The following TOX variants were observed in gnomAD, a reference collection of about 807,000 sequenced individuals.
TOX encodes thymocyte selection associated high mobility group box, also known as thymocyte selection-associated high mobility group box protein TOX.
TOX carries 11 observed loss-of-function variants against 53.7 expected under a neutral mutation model. That is an observed-to-expected ratio of 0.20 (90% CI 0.13 to 0.34). The LOEUF is 0.34. Ranked by LOEUF, TOX falls within the 10% of genes least tolerant of loss-of-function variation. The pLI is 1.00. For synonymous variants in TOX, 225 were observed against 245.3 expected, an observed-to-expected ratio of 0.92 and a Z score of 0.77; for missense variants, 570 against 664.6, an observed-to-expected ratio of 0.86 and a Z score of 1.56.
intron 7 of TOX, among the ~76,000 whole-genome samples, chr8:58,808,982 T>A (rs1174113967): frequency 6.6e-6 from 1 of 152,240 alleles, no homozygotes; most frequent in East Asian, 1.9e-4. Context: ...AAGATTCTTC[T>A]AATACACTGG....
At chr8:58,861,362 T>A (rs1811007005) in intron 3 of TOX, among the ~76,000 whole-genome samples, 1 of 152,216 alleles carries the variant, frequency 6.6e-6, no homozygotes, top group Non-Finnish European at 1.5e-5. Flanking sequence ...TTTATGAATG[T>A]GCTCTGGGTC....
intron 3 of TOX, among the ~76,000 whole-genome samples, chr8:58,923,846 G>A (rs753568555): frequency 6.6e-6 from 1 of 152,158 alleles, no homozygotes; most frequent in African/African-American, 2.4e-5. Context: ...TTACCTGCTT[G>A]ACTCTCACAG....
At chr8:59,049,048 A>G (rs1443787180) in intron 1 of TOX, among the ~76,000 whole-genome samples, 2 of 151,814 alleles carry the variant, frequency 1.3e-5, no homozygotes, top group Non-Finnish European at 2.9e-5. Context: ...ACTCATTTTC[A>G]ATGACAGTAT....
At chr8:58,888,242 T>C (rs1811504627) in intron 3 of TOX, among the ~76,000 whole-genome samples, 1 of 152,120 alleles carries the variant, frequency 6.6e-6, no homozygotes, top group African/African-American at 2.4e-5. Context: ...TTCATTTTCC[T>C]ATTTTTTTAA....
intron 3 of TOX, among the ~76,000 whole-genome samples, chr8:58,927,518 G>A (rs902947610): frequency 3.3e-5 from 5 of 152,172 alleles, no homozygotes; most frequent in African/African-American, 7.2e-5. Context: ...TGCGTAAGAT[G>A]AGAATCGCAC....
rs56215946 is a variant in TOX at position 58,826,879 on chromosome 8, A to C, written c.948T>G (p.Ala316=). ...GTTGCTTCAGGTACTCCTTCTTCGC[A>C]GCCTCGGTTTTCTTTTTATAGACCT... ...QKQVYKKKTE[A]AKKEYLKQLA... is the part of the protein sequence containing the mutation. The change falls in exon 6 of 9, where the codon GCT becomes GCG. Residue 316 remains alanine, a synonymous_variant. Coordinates refer to ENST00000361421, the MANE Select transcript of TOX (RefSeq NM_014729.3). 108,649 of 1,611,686 alleles carry C rather than the reference A, an allele frequency of 0.067. 4,258 individuals are homozygous for C. Among genetic ancestry groups the C allele is most frequent in the Middle Eastern group, 0.085 (513 of 6,036 alleles).
chr8:58,906,651 T>C (rs1038916864), intron 3 of TOX, among the ~76,000 whole-genome samples: 3 of 152,246 alleles, frequency 2.0e-5, no homozygotes, highest in Non-Finnish European at 4.4e-5. Flanking sequence ...AGTTTCTGCA[T>C]AAAACTTTTG....
chr8:59,013,193 A>T (rs1813942568), intron 1 of TOX, among the ~76,000 whole-genome samples: 1 of 152,168 alleles, frequency 6.6e-6, no homozygotes, highest in African/African-American at 2.4e-5. Context: ...TCTGCATATT[A>T]CATCCCCGGT....
intron 7 of TOX, among the ~76,000 whole-genome samples, chr8:58,808,724 A>G (rs937653067): frequency 2.0e-5 from 3 of 152,210 alleles, no homozygotes; most frequent in African/African-American, 4.8e-5. Flanking sequence ...ACCTATTCAC[A>G]TATTGTTCTC....
At chr8:58,957,949 T>G (rs896676575) in intron 2 of TOX, among the ~76,000 whole-genome samples, 2 of 152,218 alleles carry the variant, frequency 1.3e-5, no homozygotes, top group African/African-American at 4.8e-5. Context: ...GAATGTTAAG[T>G]GTAAAATTTA....
At chr8:58,846,438 T>A (rs2129167705) in intron 4 of TOX, among the ~76,000 whole-genome samples, 1 of 152,230 alleles carries the variant, frequency 6.6e-6, no homozygotes, top group Middle Eastern at 3.4e-3. Flanking sequence ...GTTCTAACAC[T>A]GTTTGATTTC....
At chr8:59,034,232 G>C (rs867497375) in intron 1 of TOX, among the ~76,000 whole-genome samples, 56 of 152,290 alleles carry the variant, frequency 3.7e-4, no homozygotes, top group Middle Eastern at 6.8e-3. Context: ...AGTCCCAAAC[G>C]ATCATTAATA....
At chr8:58,912,663 G>A (rs2129174061) in intron 3 of TOX, among the ~76,000 whole-genome samples, 2 of 152,296 alleles carry the variant, frequency 1.3e-5, no homozygotes, top group South Asian at 4.1e-4. Flanking sequence ...CTGCCCCTCT[G>A]TGGGCTGCGC....
At position 59,088,444 on chromosome 8, in the gene TOX, G is replaced by T. The variant is rs538014385; in HGVS notation, c.102+30442C>A. Among the ~76,000 whole-genome samples the T allele has an allele frequency of 5.3e-5, 8 of 152,262 alleles. 1 individual carries two copies. In the East Asian group the frequency reaches 1.5e-3, roughly 29 times the overall value. On this transcript the variant is annotated intron_variant, in intron 1 of 8. Transcript: ENST00000361421. ...AATGAAAGACACCAGACATTTTCTG[G>T]ATAACTTAGGCCAAAAATTTTTCTA...
intron 3 of TOX, among the ~76,000 whole-genome samples, chr8:58,926,926 C>G (rs1812171528): frequency 6.6e-6 from 1 of 152,122 alleles, no homozygotes; most frequent in African/African-American, 2.4e-5. Context: ...AGCTGGAAAG[C>G]TAATGTCTTT....
At chr8:58,968,665 C>T (rs767084237) in intron 1 of TOX, among the ~76,000 whole-genome samples, 4 of 152,100 alleles carry the variant, frequency 2.6e-5, no homozygotes, top group Admixed American at 2.0e-4. Flanking sequence ...TTTATTGCTG[C>T]TATTTCTTTT....
intron 1 of TOX, among the ~76,000 whole-genome samples, chr8:59,008,672 G>A (rs765640483): frequency 2.0e-5 from 3 of 152,148 alleles, no homozygotes; most frequent in Non-Finnish European, 2.9e-5. Flanking sequence ...GTTCAATGGC[G>A]GTGACACTTT....
intron 1 of TOX, among the ~76,000 whole-genome samples, chr8:58,990,142 G>T (rs1051818757): frequency 6.6e-6 from 1 of 152,154 alleles, no homozygotes; most frequent in Non-Finnish European, 1.5e-5. Context: ...TATAAGGTGG[G>T]TATTATCAAT....
intron 1 of TOX, among the ~76,000 whole-genome samples, chr8:59,017,827 A>T (rs1329005972): frequency 6.6e-6 from 1 of 152,184 alleles, no homozygotes; most frequent in African/African-American, 2.4e-5. Context: ...GCTTTAGTTC[A>T]GATCTTTTGA....
Sources: allele counts gnomAD v4.1 joint callset (sites outside exome capture counted in the v4.1 genomes callset), GRCh38; gene constraint gnomAD v4.1.1; transcripts MANE v1.5; gene names NCBI Gene and HGNC (gene_info 2026-07-23, HGNC 2026-07-21).